DOCK4: variants seen among roughly 807,000 people sequenced by gnomAD.
DOCK4 encodes the protein dedicator of cytokinesis protein 4.
Under a neutral mutation model 268.1 loss-of-function variants are expected in DOCK4, and 97 were observed. That is an observed-to-expected ratio of 0.36 (90% CI 0.31 to 0.43). The LOEUF (loss-of-function observed/expected upper bound fraction) is 0.43. Ranked by LOEUF, DOCK4 falls within the 20% of genes least tolerant of loss-of-function variation. The pLI, the probability that DOCK4 is intolerant of heterozygous loss-of-function variation, is 1.00. For synonymous variants in DOCK4, 954 were observed against 887.2 expected (o/e 1.08, Z -1.34); for missense variants, 2,145 against 2,455.7 (o/e 0.87, Z 2.67).
chr7:112,017,618 C>T (rs1383643700), intron 1 of DOCK4, among the ~76,000 whole-genome samples: 4 of 152,182 alleles, frequency 2.6e-5, no homozygotes, highest in African/African-American at 7.2e-5. Context: ...CCTGGCGATC[C>T]ATCCATACTG....
intron 28 of DOCK4, among the ~76,000 whole-genome samples, chr7:111,811,491 A>G (rs1801129026): frequency 6.6e-6 from 1 of 152,114 alleles, no homozygotes; most frequent in Non-Finnish European, 1.5e-5. Flanking sequence ...TTTTCTTTTC[A>G]TTAATTCATT....
intron 14 of DOCK4, 31 bp downstream of exon 14, chr7:111,901,646 T>A: frequency 6.2e-7 from 1 of 1,608,770 alleles, no homozygotes; most frequent in Non-Finnish European, 8.5e-7. Context: ...TACAGACTTG[T>A]TTGACCTGGA....
intron 1 of DOCK4, among the ~76,000 whole-genome samples, chr7:112,019,654 T>C (rs1038694908): frequency 1.3e-5 from 2 of 152,176 alleles, no homozygotes; most frequent in African/African-American, 4.8e-5. Flanking sequence ...AATGGAAACA[T>C]AAATAAATAA....
chr7:112,018,153 A>C (rs1274994560), intron 1 of DOCK4, among the ~76,000 whole-genome samples: 4 of 128,486 alleles, frequency 3.1e-5, no homozygotes, highest in African/African-American at 1.2e-4. Context: ...CAAAAAAAAA[A>C]AAAAAAAAAA....
At chr7:112,020,546 T>A (rs986545406) in intron 1 of DOCK4, among the ~76,000 whole-genome samples, 1 of 152,110 alleles carries the variant, frequency 6.6e-6, no homozygotes, top group Non-Finnish European at 1.5e-5. Flanking sequence ...GAAATGTCAA[T>A]CATGTGTTGT....
Position 111,934,523 on chromosome 7 carries a change from GTTT to G in DOCK4, c.1066+1014_1066+1016del, listed in dbSNP as rs1183672033. Among the ~76,000 whole-genome samples the G allele has an allele frequency of 6.7e-3, 561 of 83,736 alleles. 3 individuals carry two copies. The highest frequency in any genetic ancestry group is 0.021 in the African/African-American group (510 of 24,736). The allele number at this position is 83,736 out of a possible 152,430, so 54.9% of individuals were successfully genotyped here. A position where few individuals can be genotyped will look rare whatever the true frequency, so the allele number is the denominator to read the frequency against. ...GCGAAGCATGTTTTGTTTTGTTTTT[GTTT>G]TTTTTTTTTTTTTTTTTTTTTTAGA... On this transcript the variant is annotated intron_variant, in intron 12 of 52. Coordinates refer to ENST00000428084, the MANE Select transcript of DOCK4 (RefSeq NM_001363540.2).
intron 1 of DOCK4, among the ~76,000 whole-genome samples, chr7:112,085,225 G>A (rs1025111230): frequency 6.6e-6 from 1 of 152,032 alleles, no homozygotes; most frequent in African/African-American, 2.4e-5. Context: ...TGAATCAAAG[G>A]GTCAGGATGC....
intron 1 of DOCK4, among the ~76,000 whole-genome samples, chr7:112,125,988 A>G (rs1236632533): frequency 6.6e-6 from 1 of 151,892 alleles, no homozygotes; most frequent in African/African-American, 2.4e-5. Flanking sequence ...TTTTGTAGAG[A>G]CGGGGCTTCG....
At chr7:111,731,083 G>A (rs1216661321) in intron 52 of DOCK4, among the ~76,000 whole-genome samples, 1 of 152,196 alleles carries the variant, frequency 6.6e-6, no homozygotes, top group African/African-American at 2.4e-5. Context: ...ACATCGAGGT[G>A]ACAGGCTATG....
chr7:112,079,040 T>A (rs545674129), intron 1 of DOCK4, among the ~76,000 whole-genome samples: 1 of 152,140 alleles, frequency 6.6e-6, no homozygotes, highest in Non-Finnish European at 1.5e-5. Flanking sequence ...GGCAAGAGAA[T>A]CGTTTTAACC....
chr7:111,927,859 T>A (rs1191019663), intron 12 of DOCK4, among the ~76,000 whole-genome samples: 4 of 152,126 alleles, frequency 2.6e-5, no homozygotes, highest in Non-Finnish European at 5.9e-5. Context: ...CCTGCCATTC[T>A]CCCCTGAGCA....
intron 1 of DOCK4, among the ~76,000 whole-genome samples, chr7:112,102,166 T>C (rs916947924): frequency 3.9e-5 from 6 of 152,192 alleles, no homozygotes; most frequent in African/African-American, 1.2e-4. Context: ...TGTACCACTC[T>C]GGGATTGTTT....
chr7:112,201,114 G>A (rs922173372), intron 1 of DOCK4, among the ~76,000 whole-genome samples: 2 of 152,100 alleles, frequency 1.3e-5, no homozygotes, highest in African/African-American at 4.8e-5. Context: ...AAAAAACTAA[G>A]AGTAAAGGAA....
chr7:111,846,244 A>T (rs1164824562), intron 24 of DOCK4, among the ~76,000 whole-genome samples: 1 of 152,216 alleles, frequency 6.6e-6, no homozygotes, highest in East Asian at 1.9e-4. Context: ...CTTGGCACTC[A>T]TTGCCAAACT....
At chr7:111,730,670 C>T (rs913191976) in intron 52 of DOCK4, among the ~76,000 whole-genome samples, 2 of 151,976 alleles carry the variant, frequency 1.3e-5, no homozygotes, top group African/African-American at 4.8e-5. Flanking sequence ...AAACTCTTAT[C>T]AGTTAAGGCA....
At chr7:111,906,685 T>G (rs1791602610) in intron 13 of DOCK4, among the ~76,000 whole-genome samples, 1 of 151,988 alleles carries the variant, frequency 6.6e-6, no homozygotes, top group African/African-American at 2.4e-5. Context: ...ATTATCAGGG[T>G]GGGTCCAATA....
intron 1 of DOCK4, among the ~76,000 whole-genome samples, chr7:112,015,224 C>T (rs576816669): frequency 9.8e-4 from 149 of 152,272 alleles, no homozygotes; most frequent in Non-Finnish European, 1.5e-3. Flanking sequence ...CATTAGCATG[C>T]TAAAACACAC....
intron 8 of DOCK4, among the ~76,000 whole-genome samples, chr7:111,956,422 CT>C (rs1255652899): frequency 6.6e-6 from 1 of 152,074 alleles, no homozygotes; most frequent in Non-Finnish European, 1.5e-5. Context: ...GAGAGATTTT[CT>C]TTTTTTCATG....
At chr7:112,032,098 T>A (rs763766641) in intron 1 of DOCK4, among the ~76,000 whole-genome samples, 4 of 152,176 alleles carry the variant, frequency 2.6e-5, no homozygotes, top group African/African-American at 7.2e-5. Context: ...GTAAGACCCT[T>A]AAGTAGGTCA....
Sources: gnomAD v4.1 joint callset for allele counts (sites outside exome capture counted in the v4.1 genomes callset) on GRCh38, gnomAD v4.1.1 for gene constraint, MANE v1.5 for transcripts, NCBI Gene and HGNC (gene_info 2026-07-23, HGNC 2026-07-21) for gene names.